DPP6: variants seen among roughly 807,000 people sequenced by gnomAD.
DPP6 encodes A-type potassium channel modulatory protein DPP6.
A neutral mutation model predicts 122.6 loss-of-function variants in DPP6; 69 were observed. The ratio of observed to expected loss-of-function variants is 0.56; its 90% CI spans 0.46 to 0.69. The LOEUF (loss-of-function observed/expected upper bound fraction) is 0.69. Among genes scored for constraint, DPP6 ranks in the 30% least tolerant of loss-of-function variants. The pLI, the probability that DPP6 is intolerant of heterozygous loss-of-function variation, is 0.00. For synonymous variants in DPP6, 418 were observed against 433.1 expected (o/e 0.97, Z 0.43); for missense variants, 928 against 1,116.9 (o/e 0.83, Z 2.41).
the DPP6 span, among the ~76,000 whole-genome samples, chr7:153,840,018 C>T: frequency 6.6e-6 from 1 of 152,174 alleles, no homozygotes; most frequent in East Asian, 1.9e-4. Context: ...AATGAAAGCT[C>T]TACATAGCCA....
chr7:154,049,673 C>T (rs1325024270), upstream of DPP6, among the ~76,000 whole-genome samples: 1 of 144,744 alleles, frequency 6.9e-6, no homozygotes, highest in African/African-American at 2.5e-5. Flanking sequence ...TTGCAACCTC[C>T]GCCTCCCGGG....
chr7:154,573,220 G>A (rs978947314), intron 5 of DPP6, among the ~76,000 whole-genome samples: 5 of 152,220 alleles, frequency 3.3e-5, no homozygotes, highest in African/African-American at 7.2e-5. Context: ...TCTGCTGGAC[G>A]AAGGCCTTGC....
At chr7:154,267,534 A>G (rs141666733) in intron 1 of DPP6, among the ~76,000 whole-genome samples, 14 of 149,746 alleles carry the variant, frequency 9.3e-5, no homozygotes. Context: ...ATGCGTGTAC[A>G]TATTTATCCC....
At chr7:154,193,283 A>G (rs1488925976) in intron 1 of DPP6, among the ~76,000 whole-genome samples, 1 of 152,220 alleles carries the variant, frequency 6.6e-6, no homozygotes, top group African/African-American at 2.4e-5. Context: ...CTTGGAAGTG[A>G]TAGGAAAAAA....
intron 1 of DPP6, among the ~76,000 whole-genome samples, chr7:154,018,023 C>T (rs2129050992): frequency 6.6e-6 from 1 of 152,294 alleles, no homozygotes; most frequent in Non-Finnish European, 1.5e-5. Context: ...AGGAGGAACA[C>T]CTGATCTGTA....
intron 1 of DPP6, among the ~76,000 whole-genome samples, chr7:154,076,815 A>C: frequency 6.6e-6 from 1 of 152,034 alleles, no homozygotes. Flanking sequence ...TCCAATGCTT[A>C]ATAAATGCCT....
chr7:154,789,577 T>G (rs961150920), intron 10 of DPP6, among the ~76,000 whole-genome samples: 11 of 152,232 alleles, frequency 7.2e-5, no homozygotes, highest in African/African-American at 2.7e-4. Flanking sequence ...TGTGTGTCTC[T>G]TTAGACATGA....
chr7:154,103,517 T>C (rs993654406), intron 1 of DPP6, among the ~76,000 whole-genome samples: 2 of 152,186 alleles, frequency 1.3e-5, no homozygotes, highest in African/African-American at 4.8e-5. Flanking sequence ...TCTGTTGCCG[T>C]GATGGTGAAT....
chr7:153,786,132 C>G, the DPP6 span, among the ~76,000 whole-genome samples: 1 of 152,106 alleles, frequency 6.6e-6, no homozygotes, highest in East Asian at 1.9e-4. Context: ...CTGACTTAGA[C>G]CATGACTAAT....
At chr7:154,361,603 CAAAAA>C (rs34342809) in intron 1 of DPP6, among the ~76,000 whole-genome samples, 5 of 57,974 alleles carry the variant, frequency 8.6e-5, no homozygotes, top group African/African-American at 2.0e-4. Context: ...AATTGCTAGC[CAAAAA>C]AAAAAAAAAA....
the DPP6 span, among the ~76,000 whole-genome samples, chr7:153,881,079 T>C: frequency 2.6e-5 from 4 of 152,202 alleles, no homozygotes; most frequent in African/African-American, 9.7e-5. Flanking sequence ...GTTGAAAGTA[T>C]AGTGGAAGAG....
chr7:154,718,341 G>A (rs1030113742), intron 7 of DPP6, among the ~76,000 whole-genome samples: 2 of 152,102 alleles, frequency 1.3e-5, no homozygotes, highest in African/African-American at 4.8e-5. Flanking sequence ...ATGACACGAA[G>A]TATTTCCACT....
Position 154,878,668 on chromosome 7 carries a change from C to T in DPP6, c.2079-2220C>T, listed in dbSNP as rs114906996. 1.6e-3 allele frequency among the ~76,000 whole-genome samples: 243 copies of T among 152,298 alleles called. 2 individuals carry two copies. Among genetic ancestry groups the T allele is most frequent in the African/African-American group, 5.3e-3 (221 of 41,566 alleles). On this transcript the variant is annotated intron_variant, in intron 20 of 25. Transcript: ENST00000377770. ...GAGGAGCCCACAGGCCAGCCTCCCA[C>T]GAGCAGCTGAGATGAGCTGTGGAAG...
the DPP6 span, among the ~76,000 whole-genome samples, chr7:153,764,281 C>T: frequency 5.9e-5 from 9 of 152,212 alleles, no homozygotes; most frequent in African/African-American, 2.2e-4. Context: ...CTTCTCTTGG[C>T]CCCCTTCCTG....
chr7:153,887,577 C>G (rs1584983601), exon 1 of DPP6: 10 of 1,354,628 alleles, frequency 7.4e-6, no homozygotes, highest in Non-Finnish European at 8.3e-6. Flanking sequence ...TTCAAAAACC[C>G]GTTTCCATCC....
At position 154,889,310 on chromosome 7, in the gene DPP6, A is replaced by G. The variant is rs779390098; in HGVS notation, c.2343A>G (p.Glu781=). ...KVAHRVSALE[E]QQFLIIHPTA... ...CCCATCGAGTCTCCGCGCTGGAAGA[A>G]CAGCAGTTCCTGATCATTCATCCCA... Residue 781 remains glutamate (E), a synonymous_variant, in exon 24 of 26, where the codon GAA becomes GAG. Transcript: ENST00000377770. 1 of 1,612,942 alleles carries G rather than the reference A, an allele frequency of 6.2e-7. No homozygotes were observed. The highest frequency in any genetic ancestry group is 8.5e-7 in the Non-Finnish European group (1 of 1,179,726).
At chr7:154,435,935 A>G (rs987534890) in intron 1 of DPP6, among the ~76,000 whole-genome samples, 1 of 152,178 alleles carries the variant, frequency 6.6e-6, no homozygotes, top group Non-Finnish European at 1.5e-5. Flanking sequence ...TATTTTTTAT[A>G]GTAGCTGTGT....
At chr7:154,130,048 C>A (rs2150630993) in intron 1 of DPP6, among the ~76,000 whole-genome samples, 1 of 151,940 alleles carries the variant, frequency 6.6e-6, no homozygotes, top group Non-Finnish European at 1.5e-5. Flanking sequence ...GAGATCGCGC[C>A]ATTGCACTCC....
At chr7:153,959,831 G>T (rs887427003) in intron 1 of DPP6, among the ~76,000 whole-genome samples, 1 of 152,188 alleles carries the variant, frequency 6.6e-6, no homozygotes, top group African/African-American at 2.4e-5. Flanking sequence ...CTTTGCCTTT[G>T]CACTCACAAC....
Sources: allele counts gnomAD v4.1 joint callset (sites outside exome capture counted in the v4.1 genomes callset), GRCh38; gene constraint gnomAD v4.1.1; transcripts MANE v1.5; gene names NCBI Gene and HGNC (gene_info 2026-07-23, HGNC 2026-07-21).